MAN2A1: variants seen among roughly 807,000 people sequenced by gnomAD.
MAN2A1 encodes the protein alpha-mannosidase 2.
MAN2A1 carries 76 observed loss-of-function variants against 142.6 expected under a neutral mutation model. The observed-to-expected ratio is 0.53, with a 90% confidence interval of 0.44 to 0.65. The LOEUF (loss-of-function observed/expected upper bound fraction) is 0.65. MAN2A1 is among the 30% of genes least tolerant of loss of function. The pLI, the probability that MAN2A1 is intolerant of heterozygous loss-of-function variation, is 0.00. For missense variants in MAN2A1, 1,311 were observed against 1,365.1 expected (o/e 0.96, Z 0.62); for synonymous variants, 559 against 473.2 (o/e 1.18, Z -2.35).
intron 13 of MAN2A1, among the ~76,000 whole-genome samples, chr5:109,819,254 GA>G: frequency 6.6e-6 from 1 of 152,164 alleles, no homozygotes; most frequent in East Asian, 1.9e-4. Context: ...TATGATTTTG[GA>G]TAGGTTAGGT....
At chr5:109,711,908 T>C (rs1751312060) in intron 1 of MAN2A1, among the ~76,000 whole-genome samples, 1 of 64,224 alleles carries the variant, frequency 1.6e-5, no homozygotes, top group Non-Finnish European at 2.7e-5. Context: ...TTTTAATGTG[T>C]AGAGGGGCTC....
At chr5:109,706,311 G>C (rs574715362) in intron 1 of MAN2A1, among the ~76,000 whole-genome samples, 1 of 152,116 alleles carries the variant, frequency 6.6e-6, no homozygotes, top group Non-Finnish European at 1.5e-5. Context: ...ATACTATCTG[G>C]AGGTGCATAT....
chr5:109,844,582 C>A (rs992444992), intron 17 of MAN2A1, among the ~76,000 whole-genome samples: 1 of 151,924 alleles, frequency 6.6e-6, no homozygotes, highest in Non-Finnish European at 1.5e-5. Flanking sequence ...AAACTTTATT[C>A]TTTCACAGTT....
chr5:109,786,894 A>G (rs189395037), intron 10 of MAN2A1, among the ~76,000 whole-genome samples: 53 of 152,170 alleles, frequency 3.5e-4, no homozygotes, highest in African/African-American at 1.2e-3. Context: ...TCTGTAGACA[A>G]CTGGTTCTGG....
At position 109,820,084 on chromosome 5, in the gene MAN2A1, C is replaced by T. The variant is rs1445053375; in HGVS notation, c.2329-136C>T. The T allele has an allele frequency of 1.9e-5, 16 of 850,216 alleles. No homozygotes were observed. The South Asian group carries it at 2.3e-4, about 12-fold the overall frequency. The allele number at this position is 850,216 out of a possible 1,614,324, so 52.7% of individuals were successfully genotyped here. A position where few individuals can be genotyped will look rare whatever the true frequency, so the allele number is the denominator to read the frequency against. ...TGTATAGTCTGTGGGTGGCGCTACTCCGTGGTCTGTGTGTCACTGGTCCAC... is the reference window on the plus strand; with the variant it reads ...TGTATAGTCTGTGGGTGGCGCTACTTCGTGGTCTGTGTGTCACTGGTCCAC... On this transcript the variant is annotated intron_variant, in intron 14 of 21. Coordinates refer to ENST00000261483, the MANE Select transcript of MAN2A1 (RefSeq NM_002372.4).
intron 1 of MAN2A1, among the ~76,000 whole-genome samples, chr5:109,700,570 A>C (rs1750950858): frequency 6.6e-6 from 1 of 152,212 alleles, no homozygotes; most frequent in African/African-American, 2.4e-5. Context: ...CATTTTCTAC[A>C]TAAAGTCCTG....
At chr5:109,784,983 A>T in intron 10 of MAN2A1, 57 bp downstream of exon 10, 1 of 1,282,410 alleles carries the variant, frequency 7.8e-7, no homozygotes, top group Non-Finnish European at 1.1e-6. Context: ...ATGGGTAATA[A>T]GATTATATCT....
chr5:109,728,415 CCTT>C (rs773824389), intron 3 of MAN2A1, among the ~76,000 whole-genome samples: 19 of 152,210 alleles, frequency 1.2e-4, no homozygotes, highest in Non-Finnish European at 2.8e-4. Flanking sequence ...AGGAACTTCT[CCTT>C]ATACGATTTT....
Position 109,749,807 on chromosome 5 carries a change from A to G in MAN2A1, c.708-5522A>G, listed in dbSNP as rs569231011. Among the ~76,000 whole-genome samples the G allele has an allele frequency of 2.0e-5, 3 of 152,200 alleles. No individual in the cohort carries two copies. The South Asian group carries it at 6.2e-4, about 32-fold the overall frequency. ...ATATTCCCCTGCTTGTCAGAGAAAT[A>G]GTTCAATTGATACCTGTTGAACACT... On this transcript the variant is annotated intron_variant, in intron 4 of 21. Transcript: ENST00000261483.
At chr5:109,690,691 G>C (rs370241591) in intron 1 of MAN2A1, 139 bp downstream of exon 1, 10,027 of 963,348 alleles carry the variant, frequency 0.01, 87 homozygotes, top group Non-Finnish European at 0.012. Flanking sequence ...GTAGCTCTCG[G>C]ACGGCAATGA....
chr5:109,747,450 C>T (rs1316800177), intron 4 of MAN2A1, among the ~76,000 whole-genome samples: 1 of 152,074 alleles, frequency 6.6e-6, no homozygotes, highest in East Asian at 1.9e-4. Flanking sequence ...TGTTCTGTCA[C>T]TGTATGGATG....
intron 4 of MAN2A1, among the ~76,000 whole-genome samples, chr5:109,737,092 C>CT (rs10686903): frequency 0.39 from 43,918 of 111,340 alleles, 11,511 homozygotes; most frequent in African/African-American, 0.63. Context: ...ACTGTATACT[C>CT]TTTTTTTTTT....
intron 2 of MAN2A1, among the ~76,000 whole-genome samples, chr5:109,714,178 T>C (rs1383847890): frequency 2.3e-5 from 1 of 43,356 alleles, no homozygotes; most frequent in Admixed American, 2.1e-4. Context: ...AAGGTTAGAC[T>C]TTTTTTTTTT....
At chr5:109,802,748 CT>C (rs888733102) in intron 12 of MAN2A1, among the ~76,000 whole-genome samples, 34 of 151,388 alleles carry the variant, frequency 2.2e-4, no homozygotes, top group African/African-American at 7.0e-4. Context: ...TAGGTGTTGA[CT>C]TTTTTTTTCT....
chr5:109,738,700 A>G lies in MAN2A1; in HGVS notation c.707+9187A>G, dbSNP rs146122752. Among the ~76,000 whole-genome samples, 1,499 of 152,320 alleles carry G rather than the reference A, an allele frequency of 9.8e-3. 10 individuals carry two copies. Among genetic ancestry groups the G allele is most frequent in the Non-Finnish European group, 0.014 (948 of 68,024 alleles). ...TGAGGATTGAATTAATTCAGACAAC[A>G]TGCTTAGCACAATGCCTGGCACATT... On this transcript the variant is annotated intron_variant, in intron 4 of 21. Transcript: ENST00000261483.
chr5:109,770,647 T>C (rs1036370062), intron 7 of MAN2A1, 106 bp downstream of exon 7: 1 of 981,434 alleles, frequency 1.0e-6, no homozygotes. Flanking sequence ...AACATTATCC[T>C]TGTTTGAAGT....
intron 12 of MAN2A1, among the ~76,000 whole-genome samples, chr5:109,798,883 TGG>T (rs1384257006): frequency 6.6e-6 from 1 of 151,968 alleles, no homozygotes. Context: ...TAGTAGAGAC[TGG>T]GTTTCACCGT....
At chr5:109,820,914 C>T (rs1386893851) in intron 15 of MAN2A1, among the ~76,000 whole-genome samples, 3 of 152,162 alleles carry the variant, frequency 2.0e-5, no homozygotes, top group Admixed American at 2.0e-4. Flanking sequence ...AGTTAGGGAG[C>T]TTTATATGTA....
intron 9 of MAN2A1, among the ~76,000 whole-genome samples, 191 bp from the exon 10 acceptor site, chr5:109,784,553 T>C (rs573741462): frequency 2.0e-5 from 3 of 152,248 alleles, no homozygotes; most frequent in African/African-American, 4.8e-5. Context: ...TCTTTGATGA[T>C]TGAGAACGTA....
Sources: allele counts gnomAD v4.1 joint callset (sites outside exome capture counted in the v4.1 genomes callset), GRCh38; gene constraint gnomAD v4.1.1; transcripts MANE v1.5; gene names NCBI Gene and HGNC (gene_info 2026-07-23, HGNC 2026-07-21).